Variants in HNRNPM observed in about 807,000 individuals in gnomAD.
The protein encoded by HNRNPM is heterogeneous nuclear ribonucleoprotein M.
A neutral mutation model predicts 73.1 loss-of-function variants in HNRNPM; 11 were observed. The ratio of observed to expected loss-of-function variants is 0.15; its 90% CI spans 0.09 to 0.25. The LOEUF is 0.25. Ranked by LOEUF, HNRNPM falls within the 10% of genes least tolerant of loss-of-function variation. HNRNPM has a pLI of 1.00. For missense variants in HNRNPM, 789 were observed against 1,067.9 expected, an observed-to-expected ratio of 0.74 and a Z score of 3.64; for synonymous variants, 407 against 355.2, an observed-to-expected ratio of 1.15 and a Z score of -1.64.
At chr19:8,474,394 T>G in intron 12 of HNRNPM, 150 bp downstream of exon 12, 1 of 522,248 alleles carries the variant, frequency 1.9e-6, no homozygotes, top group Non-Finnish European at 3.4e-6. Flanking sequence ...CTTAAATATT[T>G]CAAAAACTAG....
At chr19:8,454,687 T>TCC (rs1568263110) in intron 1 of HNRNPM, among the ~76,000 whole-genome samples, 14 of 79,778 alleles carry the variant, frequency 1.8e-4, no homozygotes, top group African/African-American at 3.9e-4. Context: ...CCCCCCCCTT[T>TCC]TTTTTTTTAA....
At position 8,488,688 on chromosome 19, in the gene HNRNPM, T is replaced by C. The variant is rs753025687; in HGVS notation, c.2030-3T>C. 1.2e-6 allele frequency: 2 copies of C among 1,611,810 alleles called. No individual in the cohort carries two copies. Among genetic ancestry groups the C allele is most frequent in the Non-Finnish European group, 1.7e-6 (2 of 1,178,538 alleles). Reference sequence around the variant, plus strand: ...GTCGTCTCTTCTTCCCTCCCTGTCCTAGGCCACGTGCTGTACGCCGACATC... The same window carrying C: ...GTCGTCTCTTCTTCCCTCCCTGTCCCAGGCCACGTGCTGTACGCCGACATC... On this transcript the variant is annotated splice_region_variant and splice_polypyrimidine_tract_variant and intron_variant, in intron 15 of 15. Transcript: ENST00000325495.
chr19:8,447,281 A>G (rs942195321), intron 1 of HNRNPM, among the ~76,000 whole-genome samples: 2 of 137,576 alleles, frequency 1.5e-5, no homozygotes, highest in African/African-American at 2.7e-5. Flanking sequence ...TTTTTTCATT[A>G]CAAGTCTTAA....
intron 15 of HNRNPM, chr19:8,487,298 T>C: frequency 3.7e-6 from 2 of 546,998 alleles, no homozygotes; most frequent in Non-Finnish European, 6.7e-6. Flanking sequence ...TTTTTTCTTT[T>C]TGAGTCTTTG....
intron 1 of HNRNPM, among the ~76,000 whole-genome samples, chr19:8,452,793 T>C (rs1968720238): frequency 6.6e-6 from 1 of 152,222 alleles, no homozygotes; most frequent in South Asian, 2.1e-4. Flanking sequence ...TTGGCACTCT[T>C]GTGTTTGGGG....
chr19:8,447,395 T>C (rs1968271888), intron 1 of HNRNPM, among the ~76,000 whole-genome samples: 1 of 151,714 alleles, frequency 6.6e-6, no homozygotes, highest in African/African-American at 2.4e-5. Context: ...TAACATAAGG[T>C]AATTATGCTG....
At chr19:8,471,606 A>C (rs530636942) in intron 10 of HNRNPM, among the ~76,000 whole-genome samples, 179 bp downstream of exon 10, 1 of 152,324 alleles carries the variant, frequency 6.6e-6, no homozygotes, top group African/African-American at 2.4e-5. Context: ...TATCAAGTTG[A>C]GTCATTTTTT....
In HNRNPM at chr19:8,474,202, A is replaced by G. The variant is rs372972819; in HGVS notation, c.1078A>G (p.Met360Val). 6.3e-6 allele frequency: 10 copies of G among 1,598,612 alleles called. No homozygotes were observed. In the South Asian group the frequency reaches 6.8e-5, roughly 11 times the overall value. The stretch of plus-strand genomic sequence containing the variant: ...GCCCTTTGGTGGTGGTATGGAAAAC[A>G]TGGGTCGATTTGGATCTGGGATGAA... ...EGPFGGGMEN[M>V]GRFGSGMNMG... The change falls in exon 12 of 16, where the codon ATG becomes GTG. Residue 360 changes from methionine to valine, a missense_variant. Physicochemically the swap from Met to Val is conservative, Grantham distance 21. This residue lies in a region of HNRNPM where 604 missense variants were observed against 744.0 expected (regional missense o/e 0.81). Coordinates refer to ENST00000325495, the MANE Select transcript of HNRNPM (RefSeq NM_005968.5).
At chr19:8,455,367 T>TA in intron 1 of HNRNPM, 38 bp from the exon 2 acceptor site, 1 of 1,560,224 alleles carries the variant, frequency 6.4e-7, no homozygotes, top group East Asian at 2.2e-5. Context: ...TGCTGACATA[T>TA]AAACCCTTTA....
intron 10 of HNRNPM, among the ~76,000 whole-genome samples, chr19:8,473,061 C>T (rs1426794731): frequency 4.6e-5 from 7 of 152,008 alleles, no homozygotes; most frequent in East Asian, 3.9e-4. Context: ...TGAGACTAGT[C>T]TAGGCGACAT....
chr19:8,479,771 A>T (rs866266798), intron 12 of HNRNPM, among the ~76,000 whole-genome samples: 12 of 75,766 alleles, frequency 1.6e-4, no homozygotes, highest in Non-Finnish European at 3.3e-4. Context: ...AAAAAAAAAA[A>T]ATTTTTTTTT....
chr19:8,471,243 C>T, intron 9 of HNRNPM, 83 bp from the exon 10 acceptor site: 1 of 768,958 alleles, frequency 1.3e-6, no homozygotes, highest in South Asian at 2.1e-5. Flanking sequence ...TGGATAGCTG[C>T]AACTCACTAA....
intron 12 of HNRNPM, among the ~76,000 whole-genome samples, chr19:8,481,169 G>C (rs1296568028): frequency 6.6e-6 from 1 of 152,210 alleles, no homozygotes; most frequent in African/African-American, 2.4e-5. Flanking sequence ...TGTACTTGCT[G>C]CTTCAAAAAT....
intron 2 of HNRNPM, among the ~76,000 whole-genome samples, chr19:8,460,908 A>C (rs1969353063): frequency 1.3e-5 from 2 of 152,328 alleles, no homozygotes; most frequent in South Asian, 4.1e-4. Context: ...GCTGCTCTTG[A>C]AACAAATGGC....
At chr19:8,468,163 C>G (rs991239635) in intron 8 of HNRNPM, among the ~76,000 whole-genome samples, 1 of 152,148 alleles carries the variant, frequency 6.6e-6, no homozygotes, top group African/African-American at 2.4e-5. Flanking sequence ...GCAAGTGATC[C>G]GTTTCAAAGA....
chr19:8,450,341 C>A (rs1245975343), intron 1 of HNRNPM, among the ~76,000 whole-genome samples: 2 of 152,136 alleles, frequency 1.3e-5, no homozygotes, highest in African/African-American at 4.8e-5. Context: ...TGCATGGAGA[C>A]CTTAAGAGAG....
chr19:8,454,442 C>T (rs1314146044), intron 1 of HNRNPM, among the ~76,000 whole-genome samples: 1 of 152,174 alleles, frequency 6.6e-6, no homozygotes, highest in Non-Finnish European at 1.5e-5. Context: ...TATCCCATTG[C>T]ATGGATAGTC....
chr19:8,454,891 A>G (rs1361471930), intron 1 of HNRNPM, among the ~76,000 whole-genome samples: 3 of 152,152 alleles, frequency 2.0e-5, no homozygotes, highest in African/African-American at 4.8e-5. Context: ...TTGTGAGCCC[A>G]GGAAGGTGTA....
In HNRNPM at chr19:8,483,350, G is replaced by A. The variant is rs1971053717; in HGVS notation, c.1174+139G>A. ...AGCAGCTCTGCCTTTTTCTAGCTGT[G>A]TGACGTTTGGCAAGTCACTGAACCT... On this transcript the variant is annotated intron_variant, in intron 13 of 15. Transcript: ENST00000325495. 17 of 692,268 alleles carry A rather than the reference G, an allele frequency of 2.5e-5. No individual in the cohort carries two copies. The South Asian group carries it at 2.6e-4, about 11-fold the overall frequency. The allele number at this position is 692,268 out of a possible 1,614,324, so 42.9% of individuals were successfully genotyped here. A position where few individuals can be genotyped will look rare whatever the true frequency, so the allele number is the denominator to read the frequency against.
Sources: allele counts gnomAD v4.1 joint callset (sites outside exome capture counted in the v4.1 genomes callset), GRCh38; gene constraint gnomAD v4.1.1; regional missense constraint gnomAD v4.1.1; transcripts MANE v1.5; gene names NCBI Gene and HGNC (gene_info 2026-07-23, HGNC 2026-07-21).